The following DDX47 variants were observed in gnomAD, a reference collection of about 807,000 sequenced individuals.
DDX47 encodes the protein probable ATP-dependent RNA helicase DDX47.
Under a neutral mutation model 58.8 loss-of-function variants are expected in DDX47, and 60 were observed. The ratio of observed to expected loss-of-function variants is 1.02; its 90% CI spans 0.83 to 1.26. The LOEUF (loss-of-function observed/expected upper bound fraction) is 1.26. Ranked by LOEUF, DDX47 falls within the 50% of genes most tolerant of loss-of-function variation. The pLI is 0.00. For missense variants in DDX47, 530 were observed against 573.2 expected (o/e 0.92, Z 0.77); for synonymous variants, 197 against 204.6 (o/e 0.96, Z 0.32).
chr12:12,820,135 A>G (rs534478443), intron 2 of DDX47: 14 of 152,352 alleles, frequency 9.2e-5, no homozygotes, highest in South Asian at 2.1e-4. Context: ...CTCATGGGCT[A>G]CAGCCAGCTC....
At chr12:12,828,291 A>C (rs897004165) in intron 11 of DDX47, among the ~76,000 whole-genome samples, 4 of 152,176 alleles carry the variant, frequency 2.6e-5, no homozygotes, top group Admixed American at 1.3e-4. Flanking sequence ...ATGATGTAAA[A>C]TTACCTTCAG....
intron 7 of DDX47, 147 bp downstream of exon 7, chr12:12,823,466 A>G (rs1863004072): frequency 7.9e-6 from 5 of 632,274 alleles, no homozygotes; most frequent in South Asian, 5.6e-5. Flanking sequence ...TGCTTATATT[A>G]TCACCGATAA....
intron 5 of DDX47, 93 bp from the exon 6 acceptor site, chr12:12,822,568 G>T: frequency 1.0e-6 from 1 of 990,088 alleles, no homozygotes. Context: ...GATATATTTA[G>T]TTTGTTAGTG....
chr12:12,827,478 T>C, intron 11 of DDX47, 103 bp downstream of exon 11: 1 of 1,350,466 alleles, frequency 7.4e-7, no homozygotes. Flanking sequence ...CTGGGTATTA[T>C]TTTATTCCAA....
At chr12:12,821,560 A>G (rs1862973377) in intron 3 of DDX47, 95 bp from the exon 4 acceptor site, 8 of 1,443,808 alleles carry the variant, frequency 5.5e-6, no homozygotes, top group Non-Finnish European at 7.7e-6. Context: ...GGAAGAACAA[A>G]TCTAAGTAGA....
At chr12:12,827,686 T>G in intron 11 of DDX47, among the ~76,000 whole-genome samples, 1 of 151,974 alleles carries the variant, frequency 6.6e-6, no homozygotes, top group East Asian at 1.9e-4. Flanking sequence ...GCTTGGGAAA[T>G]TTGCCTGATT....
At chr12:12,826,211 A>T in intron 10 of DDX47, 141 bp downstream of exon 10, 1 of 604,236 alleles carries the variant, frequency 1.7e-6, no homozygotes, top group Non-Finnish European at 2.8e-6. Context: ...GAAAGATGGG[A>T]ATAATAATAC....
Position 12,828,983 on chromosome 12 carries a change from A to G in DDX47, c.1237-440A>G, listed in dbSNP as rs185726735. 1.6e-3 allele frequency among the ~76,000 whole-genome samples: 238 copies of G among 152,278 alleles called. 1 individual carries two copies. The highest frequency in any genetic ancestry group is 5.5e-3 in the African/African-American group (229 of 41,558). ...ACTTTGGTACAGTGTTAAACACCCT[A>G]CTTTGTACAGCTTTGCATATTTACT... On this transcript the variant is annotated intron_variant, in intron 11 of 11. Coordinates refer to ENST00000358007, the MANE Select transcript of DDX47 (RefSeq NM_016355.4).
chr12:12,825,938 A>G (rs1346314268), intron 9 of DDX47, 62 bp from the exon 10 acceptor site: 28 of 1,298,190 alleles, frequency 2.2e-5, no homozygotes, highest in Non-Finnish European at 2.8e-5. Flanking sequence ...GACTTTGCAT[A>G]TGTAGTTTTT....
intron 2 of DDX47, among the ~76,000 whole-genome samples, chr12:12,819,505 T>G (rs1306798034): frequency 6.6e-6 from 1 of 152,198 alleles, no homozygotes; most frequent in African/African-American, 2.4e-5. Context: ...AGGATACTCA[T>G]GGCTCCCATG....
At chr12:12,824,126 A>G (rs1863015230) in intron 8 of DDX47, 110 bp downstream of exon 8, 1 of 1,327,200 alleles carries the variant, frequency 7.5e-7, no homozygotes, top group South Asian at 1.5e-5. Context: ...CTGTTTCCAT[A>G]ATTGTTGTAA....
chr12:12,814,995 A>G (rs1376869806), intron 2 of DDX47, among the ~76,000 whole-genome samples: 4 of 152,160 alleles, frequency 2.6e-5, no homozygotes, highest in Non-Finnish European at 5.9e-5. Context: ...ATGAACTTTA[A>G]TAGGAGTAGA....
At chr12:12,824,165 ATACT>A in intron 8 of DDX47, 149 bp downstream of exon 8, 1 of 981,734 alleles carries the variant, frequency 1.0e-6, no homozygotes, top group Non-Finnish European at 1.5e-6. Context: ...GTTGCTCTAG[ATACT>A]TACTTTCTCC....
intron 2 of DDX47, chr12:12,820,542 C>G (rs1862953651): frequency 6.5e-6 from 1 of 153,404 alleles, no homozygotes; most frequent in Non-Finnish European, 1.4e-5. Context: ...GTTGCCCAGG[C>G]TGGAGTGCAG....
chr12:12,824,020 A>G lies in DDX47; in HGVS notation c.897+4A>G, dbSNP rs1248256923. 2 of 1,612,894 alleles carry G rather than the reference A, an allele frequency of 1.2e-6. No individual in the cohort carries two copies. Among genetic ancestry groups the G allele is most frequent in the African/African-American group, 1.3e-5 (1 of 75,024 alleles). On this transcript the variant is annotated splice_donor_region_variant and intron_variant, in intron 8 of 11. Transcript: ENST00000358007. ...CCTCCATGGACAAATGAGTCAGGTA[A>G]GGATTCATCATCATCATCAGCCATG...
chr12:12,821,516 G>A (rs993429081), intron 3 of DDX47, 120 bp downstream of exon 3: 9 of 1,427,604 alleles, frequency 6.3e-6, no homozygotes, highest in Middle Eastern at 1.8e-4. Context: ...AGCTAATGTT[G>A]TATTTGAGCT....
intron 5 of DDX47, 82 bp downstream of exon 5, chr12:12,822,165 T>C: frequency 1.2e-6 from 1 of 821,894 alleles, no homozygotes; most frequent in Admixed American, 2.0e-5. Context: ...ACTTGTTTCA[T>C]GTAGAACATT....
chr12:12,822,603 A>AT, intron 5 of DDX47, 58 bp from the exon 6 acceptor site: 1 of 1,430,142 alleles, frequency 7.0e-7, no homozygotes, highest in Non-Finnish European at 9.9e-7. Context: ...TACCTAGAGG[A>AT]TTTGCAGCTC....
intron 2 of DDX47, chr12:12,814,459 G>A (rs1245434506): frequency 2.3e-6 from 1 of 429,140 alleles, no homozygotes; most frequent in Non-Finnish European, 4.3e-6. Context: ...GAAGCCCTAG[G>A]TTAAAGTTAA....
Sources: allele counts gnomAD v4.1 joint callset (sites outside exome capture counted in the v4.1 genomes callset), GRCh38; gene constraint gnomAD v4.1.1; transcripts MANE v1.5; gene names NCBI Gene and HGNC (gene_info 2026-07-23, HGNC 2026-07-21).